SIAH2: variants seen among roughly 807,000 people sequenced by gnomAD.
The protein encoded by SIAH2 is siah E3 ubiquitin protein ligase 2.
In SIAH2, 4 loss-of-function variants were observed where a neutral mutation model predicts 20.4. The observed-to-expected ratio is 0.20, with a 90% CI of 0.10 to 0.45. The LOEUF (loss-of-function observed/expected upper bound fraction) is 0.45. Among genes scored for constraint, SIAH2 ranks in the 20% least tolerant of loss-of-function variants. The pLI is 0.99. For missense variants in SIAH2, 259 were observed against 440.3 expected (o/e 0.59, Z 3.69); for synonymous variants, 171 against 192.5 (o/e 0.89, Z 0.93).
At chr3:150,753,026 C>T (rs1714404682) in intron 1 of SIAH2, among the ~76,000 whole-genome samples, 1 of 152,214 alleles carries the variant, frequency 6.6e-6, no homozygotes, top group South Asian at 2.1e-4. Flanking sequence ...CTTTGCTGGC[C>T]TCCCACACAG....
intron 1 of SIAH2, among the ~76,000 whole-genome samples, chr3:150,748,648 C>A (rs1229259966): frequency 1.3e-5 from 2 of 152,200 alleles, no homozygotes; most frequent in Non-Finnish European, 2.9e-5. Flanking sequence ...TACCTGCTAG[C>A]ACCTCAAATG....
At position 150,742,240 on chromosome 3, in the gene SIAH2, C is replaced by G. The variant is rs774269843; in HGVS notation, c.876G>C (p.Met292Ile). Residue 292 changes from methionine to isoleucine, a missense_variant, in exon 2 of 2, where the codon ATG becomes ATC. Coordinates refer to ENST00000312960, the MANE Select transcript of SIAH2 (RefSeq NM_005067.7). This position sits in a 1 kb window ranked among gnomAD's most constrained non-coding sequence, Gnocchi z 4.8. ...TGTCGAAAACAAGGCAGTCGCTGTTCATGATGGCCGCAGCCACACCGTCAT... is the reference window on the plus strand; with the variant it reads ...TGTCGAAAACAAGGCAGTCGCTGTTGATGATGGCCGCAGCCACACCGTCAT... ...SIHDGVAAAI[M>I]NSDCLVFDTA... The G allele has an allele frequency of 3.1e-6, 5 of 1,614,162 alleles. No homozygotes were observed. The East Asian group carries it at 6.7e-5, about 22-fold the overall frequency.
At chr3:150,749,344 T>TAAAA (rs374136926) in intron 1 of SIAH2, among the ~76,000 whole-genome samples, 1 of 144,236 alleles carries the variant, frequency 6.9e-6, no homozygotes, top group Non-Finnish European at 1.5e-5. Flanking sequence ...TATAAAAAGT[T>TAAAA]AAAAAAAAAA....
In SIAH2 at chr3:150,762,945, G is replaced by A; in HGVS notation, c.-96C>T. On this transcript the variant is annotated 5_prime_UTR_variant, in exon 1 of 2. Transcript: ENST00000312960. The surrounding 1 kb of genome is among the most constrained non-coding windows in gnomAD (Gnocchi z 6.6). ...CGCCCCGCGGGCAGCGAGCTCCGAG[G>A]CAACGCCACGGCGCCCAGCCCAGGT... 2 of 1,103,390 alleles carry A rather than the reference G, an allele frequency of 1.8e-6. No homozygotes were observed. The highest frequency in any genetic ancestry group is 2.2e-6 in the Non-Finnish European group (2 of 899,272). The allele number at this position is 1,103,390 out of a possible 1,614,324, so 68.3% of individuals were successfully genotyped here.
intron 1 of SIAH2, among the ~76,000 whole-genome samples, chr3:150,759,406 C>T (rs914054107): frequency 6.6e-6 from 1 of 152,148 alleles, no homozygotes; most frequent in African/African-American, 2.4e-5. Context: ...AAAATTCCTG[C>T]CAATGAATTT....
chr3:150,759,020 C>T (rs1350831306), intron 1 of SIAH2, among the ~76,000 whole-genome samples: 1 of 152,114 alleles, frequency 6.6e-6, no homozygotes, highest in Non-Finnish European at 1.5e-5. Context: ...GCTGGGATTA[C>T]AGACGTGAGC....
chr3:150,744,790 T>A (rs1179226647), intron 1 of SIAH2, among the ~76,000 whole-genome samples: 1 of 152,212 alleles, frequency 6.6e-6, no homozygotes, highest in Non-Finnish European at 1.5e-5. Context: ...CAGCTGCACC[T>A]CTGCCCAAAG....
rs572951423 is a variant in SIAH2 at position 150,752,194 on chromosome 3, C to T, written c.418-9496G>A. Reference sequence around the variant, plus strand: ...CCCTCACTCTTCCATGCCAGGTTCCCACCTGCACAACCACATAACTGCCCT... The same window carrying T: ...CCCTCACTCTTCCATGCCAGGTTCCTACCTGCACAACCACATAACTGCCCT... On this transcript the variant is annotated intron_variant, in intron 1 of 1. Transcript: ENST00000312960. 1.8e-4 allele frequency among the ~76,000 whole-genome samples: 28 copies of T among 152,336 alleles called. 1 individual carries two copies. The South Asian group carries it at 5.8e-3, about 32-fold the overall frequency.
chr3:150,742,764 T>G lies in SIAH2; in HGVS notation c.418-66A>C. ...AAACTTCTATTGCTTCAACCCTCTA[T>G]GAGTACTTAACTACTCCATTTTCCT... is the stretch of plus-strand genomic sequence containing the variant. On this transcript the variant is annotated intron_variant, in intron 1 of 1. Coordinates refer to ENST00000312960, the MANE Select transcript of SIAH2 (RefSeq NM_005067.7). This position sits in a 1 kb window ranked among gnomAD's most constrained non-coding sequence, Gnocchi z 4.8. 2 of 1,357,122 alleles carry G rather than the reference T, an allele frequency of 1.5e-6. No homozygotes were observed. The highest frequency in any genetic ancestry group is 1.0e-6 in the Non-Finnish European group (1 of 998,150). 84.1% of individuals were successfully genotyped at this position (1,357,122 alleles called of 1,614,324 possible).
intron 1 of SIAH2, among the ~76,000 whole-genome samples, chr3:150,760,514 A>G (rs1714582912): frequency 6.6e-6 from 1 of 152,246 alleles, no homozygotes; most frequent in South Asian, 2.1e-4. Flanking sequence ...ATGCTTTCAT[A>G]GGAACCAGAG....
chr3:150,757,329 T>A (rs1714504560), intron 1 of SIAH2, among the ~76,000 whole-genome samples: 2 of 152,210 alleles, frequency 1.3e-5, no homozygotes, highest in South Asian at 4.2e-4. Flanking sequence ...TTAAAGACCC[T>A]CAGGTGCAAA....
chr3:150,745,240 T>TACACACACACACACACAC (rs5853495), intron 1 of SIAH2, among the ~76,000 whole-genome samples: 95 of 140,668 alleles, frequency 6.8e-4, no homozygotes, highest in East Asian at 1.7e-3. Flanking sequence ...TTTAACCCCC[T>TACACACACACACACACAC]ACACACACAC....
rs1373766340 is a variant in SIAH2, at chr3:150,762,963, G to A, written c.-114C>T. On this transcript the variant is annotated 5_prime_UTR_variant, in exon 1 of 2. Coordinates refer to ENST00000312960, the MANE Select transcript of SIAH2 (RefSeq NM_005067.7). The surrounding 1 kb of genome is among the most constrained non-coding windows in gnomAD (Gnocchi z 6.6). ...CTCCGAGGCAACGCCACGGCGCCCA[G>A]CCCAGGTCCGGGCGGCGGAGACGCT... The A allele has an allele frequency of 1.9e-5, 21 of 1,088,534 alleles. No homozygotes were observed. The highest frequency in any genetic ancestry group is 2.2e-5 in the Non-Finnish European group (20 of 889,916). The allele number at this position is 1,088,534 out of a possible 1,614,324, so 67.4% of individuals were successfully genotyped here.
intron 1 of SIAH2, among the ~76,000 whole-genome samples, chr3:150,758,623 T>C (rs1467770850): frequency 1.4e-5 from 2 of 147,552 alleles, no homozygotes; most frequent in Non-Finnish European, 3.0e-5. Context: ...CAGGCTGGAG[T>C]GCAGTGGCAC....
chr3:150,755,248 G>T (rs923911847), intron 1 of SIAH2, among the ~76,000 whole-genome samples: 2 of 151,136 alleles, frequency 1.3e-5, no homozygotes, highest in African/African-American at 4.9e-5. Flanking sequence ...TACTATCTTT[G>T]CTGATTCAAA....
intron 1 of SIAH2, among the ~76,000 whole-genome samples, chr3:150,749,121 A>ATAAC (rs1559936146): frequency 6.6e-6 from 1 of 152,228 alleles, no homozygotes; most frequent in East Asian, 1.9e-4. Flanking sequence ...CAAAAAGGAA[A>ATAAC]TAACTGGTGA....
Position 150,742,663 on chromosome 3 carries a change from A to G in SIAH2, c.453T>C (p.His151=). The change falls in exon 2 of 2, where the codon CAT becomes CAC. Residue 151 remains histidine, a synonymous_variant. Coordinates refer to ENST00000312960, the MANE Select transcript of SIAH2 (RefSeq NM_005067.7). The surrounding 1 kb of genome is among the most constrained non-coding windows in gnomAD (Gnocchi z 4.8). ...TGTCTTCATGTTCTGGTTTCTCCGT[A>G]TGGTGCAGGGTCAGGGAACAGCCCG... ...ATTGCSLTLH[H]TEKPEHEDIC... 6.4e-7 allele frequency: 1 copy of G among 1,573,334 alleles called. No homozygotes were observed. The highest frequency in any genetic ancestry group is 8.6e-7 in the Non-Finnish European group (1 of 1,157,088).
intron 1 of SIAH2, among the ~76,000 whole-genome samples, chr3:150,758,484 C>A (rs1272556914): frequency 1.3e-5 from 2 of 151,168 alleles, no homozygotes; most frequent in Non-Finnish European, 2.9e-5. Context: ...CACAGGATGT[C>A]AAAAGTTCTC....
intron 1 of SIAH2, among the ~76,000 whole-genome samples, chr3:150,748,597 C>G (rs1246135786): frequency 1.3e-5 from 2 of 152,224 alleles, no homozygotes; most frequent in African/African-American, 4.8e-5. Context: ...ACTGCCTAGA[C>G]CGGCTTACGT....
Sources: gnomAD v4.1 joint callset for allele counts (sites outside exome capture counted in the v4.1 genomes callset) on GRCh38, gnomAD v4.1.1 for gene constraint, Gnocchi (gnomAD v3.1) non-coding constraint, MANE v1.5 for transcripts, NCBI Gene and HGNC (gene_info 2026-07-23, HGNC 2026-07-21) for gene names.